ALAD: variants seen among roughly 807,000 people sequenced by gnomAD.
ALAD encodes the protein delta-aminolevulinic acid dehydratase.
A neutral mutation model predicts 44.4 loss-of-function variants in ALAD; 20 were observed. The ratio of observed to expected loss-of-function variants is 0.45; its 90% confidence interval spans 0.32 to 0.65. The LOEUF (loss-of-function observed/expected upper bound fraction) is 0.65. ALAD is among the 30% of genes least tolerant of loss of function. ALAD has a pLI of 0.05. For missense variants in ALAD, 323 were observed against 445.7 expected, an observed-to-expected ratio of 0.72 and a Z score of 2.48; for synonymous variants, 156 against 167.9, an observed-to-expected ratio of 0.93 and a Z score of 0.55.
At chr9:113,388,662 T>C (rs2118980494) in intron 11 of ALAD, among the ~76,000 whole-genome samples, 1 of 152,274 alleles carries the variant, frequency 6.6e-6, no homozygotes, top group Admixed American at 6.5e-5. Context: ...TGGAGTGATA[T>C]TACTTCATTT....
At chr9:113,400,243 G>C (rs1276944061) in intron 1 of ALAD, among the ~76,000 whole-genome samples, 3 of 152,210 alleles carry the variant, frequency 2.0e-5, no homozygotes, top group African/African-American at 7.2e-5. Context: ...GGCAGATCTG[G>C]GGGAAGGTCT....
Position 113,388,120 on chromosome 9 carries a change from G to T in ALAD, c.*180C>A, listed in dbSNP as rs1046962431. 4.4e-6 allele frequency: 3 copies of T among 676,464 alleles called. No homozygotes were observed. The Admixed American group carries it at 6.3e-5, about 14-fold the overall frequency. The allele number at this position is 676,464 out of a possible 1,614,324, so 41.9% of individuals were successfully genotyped here. On this transcript the variant is annotated 3_prime_UTR_variant, in exon 12 of 12. Transcript: ENST00000409155. ...TTGGGAGAGCTCATAGGATGCAGCT[G>T]CGAGTTACAAGAGTTAGCATGCTGG...
chr9:113,389,658 C>A lies in ALAD; in HGVS notation c.655G>T (p.Gly219Trp). The change falls in exon 9 of 12, where the codon GGG becomes TGG. Residue 219 changes from glycine (G) to tryptophan (W), a missense_variant. By Grantham distance (184) the Gly-to-Trp change is radical (BLOSUM62 -2). Coordinates refer to ENST00000409155, the MANE Select transcript of ALAD (RefSeq NM_000031.6). Reference sequence around the variant, plus strand: ...GGCAGCTGGTAGCAGCGGCGGTCCCCAAAAGCTGGGCTTGACTTAGCTGCA... The same window carrying A: ...GGCAGCTGGTAGCAGCGGCGGTCCCAAAAAGCTGGGCTTGACTTAGCTGCA... ...RDAAKSSPAF[G>W]DRRCYQLPPG... The A allele has an allele frequency of 6.2e-7, 1 of 1,614,154 alleles. No individual in the cohort carries two copies. Among genetic ancestry groups the A allele is most frequent in the Non-Finnish European group, 8.5e-7 (1 of 1,180,040 alleles).
At chr9:113,394,419 T>A (rs1827674356) in intron 1 of ALAD, among the ~76,000 whole-genome samples, 1 of 151,408 alleles carries the variant, frequency 6.6e-6, no homozygotes, top group Non-Finnish European at 1.5e-5. Context: ...ACACCTGTAG[T>A]CCCAGCTACT....
chr9:113,400,389 A>G (rs372370737), intron 1 of ALAD, among the ~76,000 whole-genome samples: 4 of 152,200 alleles, frequency 2.6e-5, no homozygotes, highest in Admixed American at 1.3e-4. Flanking sequence ...TGTTGGTAGC[A>G]GGATGGTTAA....
Position 113,393,563 on chromosome 9 carries a change from G to A in ALAD, c.-4C>T, listed in dbSNP as rs755977870. The A allele has an allele frequency of 2.1e-4, 340 of 1,611,174 alleles. 4 individuals carry two copies. The South Asian group carries it at 3.0e-3, about 14-fold the overall frequency. ...GCAGAACGGACTGGGGCTGCATGGCGTGGGCCAGTGGGCACAGGGGCATCA... is the reference window on the plus strand; with the variant it reads ...GCAGAACGGACTGGGGCTGCATGGCATGGGCCAGTGGGCACAGGGGCATCA... On this transcript the variant is annotated 5_prime_UTR_variant, in exon 2 of 12. It adds an upstream start codon to the 5' untranslated region. Coordinates refer to ENST00000409155, the MANE Select transcript of ALAD (RefSeq NM_000031.6).
chr9:113,389,608 G>A lies in ALAD; in HGVS notation c.705C>T (p.Leu235=). Residue 235 remains leucine, a synonymous_variant, in exon 9 of 12, where the codon CTC becomes CTT. Transcript: ENST00000409155. ...AGTCCTAGTCACTCACCACAGCTCG[G>A]AGAGCCAGGCCTCGTGCTCCAGGGG... is the stretch of plus-strand genomic sequence containing the variant. The part of the protein sequence containing the change: ...QLPPGARGLA[L]RAVDRDVREG... 6.2e-7 allele frequency: 1 copy of A among 1,614,176 alleles called. No individual in the cohort carries two copies. Among genetic ancestry groups the A allele is most frequent in the Non-Finnish European group, 8.5e-7 (1 of 1,180,032 alleles).
chr9:113,396,402 A>AG (rs1180588501), intron 1 of ALAD: 1 of 152,088 alleles, frequency 6.6e-6, no homozygotes. Context: ...AAAAAAAAAA[A>AG]AAAAGAAAAT....
chr9:113,388,831 A>G, intron 11 of ALAD, 146 bp downstream of exon 11: 1 of 1,320,432 alleles, frequency 7.6e-7, no homozygotes, highest in Non-Finnish European at 1.1e-6. Context: ...GCAGTTCCAT[A>G]TCTCTTCCTC....
chr9:113,395,887 G>A (rs1053358674), intron 1 of ALAD, among the ~76,000 whole-genome samples: 5 of 151,702 alleles, frequency 3.3e-5, no homozygotes, highest in African/African-American at 7.3e-5. Flanking sequence ...GTGAAACTCC[G>A]TCTCTACTAA....
chr9:113,393,161 T>C (rs2118997666), intron 2 of ALAD: 1 of 473,764 alleles, frequency 2.1e-6, no homozygotes, highest in Non-Finnish European at 3.9e-6. Context: ...CTTTACAATG[T>C]ACAGAGCACC....
chr9:113,394,768 T>C (rs1422939211), intron 1 of ALAD, among the ~76,000 whole-genome samples: 1 of 151,624 alleles, frequency 6.6e-6, no homozygotes, highest in Non-Finnish European at 1.5e-5. Flanking sequence ...AAAAGTACTG[T>C]TGGCCGGGCA....
rs1210448198 is a variant in ALAD, at chr9:113,388,269, G to T, written c.*31C>A. 3 of 1,612,244 alleles carry T rather than the reference G, an allele frequency of 1.9e-6. No homozygotes were observed. Among genetic ancestry groups the T allele is most frequent in the Non-Finnish European group, 2.5e-6 (3 of 1,178,370 alleles). Reference sequence around the variant, plus strand: ...TCTGAGGCCCCGGGAACGTTTTAAAGTTCTAGTTCTTGGGCCTGGCACTGT... The same window carrying T: ...TCTGAGGCCCCGGGAACGTTTTAAATTTCTAGTTCTTGGGCCTGGCACTGT... On this transcript the variant is annotated 3_prime_UTR_variant, in exon 12 of 12. Transcript: ENST00000409155.
intron 10 of ALAD, 146 bp downstream of exon 10, chr9:113,389,292 T>C (rs951762155): frequency 1.5e-6 from 2 of 1,309,210 alleles, no homozygotes; most frequent in African/African-American, 1.5e-5. Context: ...AGCCCCGACA[T>C]AGAAGGCCAC....
intron 1 of ALAD, among the ~76,000 whole-genome samples, chr9:113,393,916 CA>C (rs1827662429): frequency 6.6e-6 from 1 of 151,344 alleles, no homozygotes; most frequent in Non-Finnish European, 1.5e-5. Flanking sequence ...AACATCTGAG[CA>C]AGCAATGACT....
intron 4 of ALAD, 39 bp downstream of exon 4, chr9:113,391,488 G>A: frequency 6.3e-7 from 1 of 1,588,978 alleles, no homozygotes; most frequent in Non-Finnish European, 8.6e-7. Flanking sequence ...ACGGGCGTGA[G>A]CGCAACCTCC....
Position 113,395,924 on chromosome 9 carries a change from T to C in ALAD, c.-75-2290A>G, listed in dbSNP as rs550196146. ...AATACAAAAATTAGGCCAGGCACGG[T>C]GGCTCACGCCTGTAATCCCAGCACT... On this transcript the variant is annotated intron_variant, in intron 1 of 11. Coordinates refer to ENST00000409155, the MANE Select transcript of ALAD (RefSeq NM_000031.6). Among the ~76,000 whole-genome samples the C allele has an allele frequency of 3.3e-4, 50 of 152,248 alleles. 1 individual carries two copies. Among genetic ancestry groups the C allele is most frequent in the African/African-American group, 1.2e-3 (48 of 41,548 alleles).
In ALAD at chr9:113,390,416, G is replaced by A; in HGVS notation, c.559C>T (p.Leu187Phe). 6.2e-7 allele frequency: 1 copy of A among 1,614,030 alleles called. No homozygotes were observed. The highest frequency in any genetic ancestry group is 8.5e-7 in the Non-Finnish European group (1 of 1,180,000). ...TTCCCTGCCCTTACCCTGTTGCCAA[G>A]TCCATGTGCCATCAGGGCCTCTTTG... Reference protein sequence around the residue: ...AIKEALMAHGLGNRVSVMSYS... With the variant: ...AIKEALMAHGFGNRVSVMSYS... The change falls in exon 7 of 12, where the codon CTT becomes TTT. Residue 187 changes from leucine to phenylalanine, a missense_variant. Transcript: ENST00000409155.
chr9:113,388,808 C>T (rs866564), intron 11 of ALAD, among the ~76,000 whole-genome samples, 169 bp downstream of exon 11: 2 of 152,166 alleles, frequency 1.3e-5, no homozygotes, highest in Non-Finnish European at 2.9e-5. Flanking sequence ...TTCACCGGGC[C>T]GTGTTCTATG....
Sources: allele counts gnomAD v4.1 joint callset (sites outside exome capture counted in the v4.1 genomes callset), GRCh38; gene constraint gnomAD v4.1.1; transcripts MANE v1.5; gene names NCBI Gene and HGNC (gene_info 2026-07-23, HGNC 2026-07-21).